PACRG: variants seen among roughly 807,000 people sequenced by gnomAD.
PACRG encodes parkin coregulated.
PACRG carries 29 observed loss-of-function variants against 29.7 expected under a neutral mutation model. That is an observed-to-expected ratio of 0.98 (90% CI 0.73 to 1.33). The LOEUF is 1.33. PACRG is among the 40% of genes most tolerant of loss of function. PACRG has a pLI of 0.00. For missense variants in PACRG, 279 were observed against 316.2 expected (o/e 0.88, Z 0.89); for synonymous variants, 116 against 118.7 (o/e 0.98, Z 0.15).
intron 4 of PACRG, among the ~76,000 whole-genome samples, chr6:163,129,775 C>T (rs78511272): frequency 6.6e-6 from 1 of 152,186 alleles, no homozygotes; most frequent in African/African-American, 2.4e-5. Context: ...ACCTCACACT[C>T]AGTTTCCTCC....
intron 1 of PACRG, among the ~76,000 whole-genome samples, chr6:162,770,792 A>C (rs1401804771): frequency 6.6e-6 from 1 of 152,200 alleles, no homozygotes; most frequent in Admixed American, 6.5e-5. Flanking sequence ...CTGGACTAAT[A>C]AACAACTTGG....
intron 2 of PACRG, among the ~76,000 whole-genome samples, chr6:162,977,030 A>G (rs1378107588): frequency 6.6e-6 from 1 of 152,106 alleles, no homozygotes; most frequent in African/African-American, 2.4e-5. Context: ...AGAAACTTGC[A>G]GGACTTGAGT....
intron 4 of PACRG, among the ~76,000 whole-genome samples, chr6:163,121,663 CTT>C (rs771976364): frequency 1.2e-3 from 154 of 126,134 alleles, no homozygotes; most frequent in African/African-American, 3.9e-3. Context: ...TCTCGGTAAT[CTT>C]TTTTTTTTTT....
intron 1 of PACRG, among the ~76,000 whole-genome samples, chr6:162,797,966 A>G (rs1229539320): frequency 2.6e-5 from 4 of 152,204 alleles, no homozygotes; most frequent in African/African-American, 9.6e-5. Flanking sequence ...ACCAAGTTTT[A>G]AAAATTCCTG....
intron 2 of PACRG, among the ~76,000 whole-genome samples, chr6:162,868,949 G>A (rs1004111491): frequency 6.6e-6 from 1 of 152,192 alleles, no homozygotes; most frequent in Non-Finnish European, 1.5e-5. Flanking sequence ...AAGCTCCTAA[G>A]TTAGACTGGT....
intron 1 of PACRG, among the ~76,000 whole-genome samples, chr6:162,799,285 ATCTT>A (rs1287736405): frequency 1.3e-5 from 2 of 152,218 alleles, no homozygotes; most frequent in Non-Finnish European, 2.9e-5. Context: ...ATGCATTACT[ATCTT>A]TATTTAGGGC....
At chr6:163,022,418 C>A (rs74342142) in intron 2 of PACRG, among the ~76,000 whole-genome samples, 1 of 152,092 alleles carries the variant, frequency 6.6e-6, no homozygotes, top group African/African-American at 2.4e-5. Context: ...TGAAGGCTGC[C>A]GAGATAAAAG....
At chr6:163,311,251 G>T (rs1372421748) in intron 4 of PACRG, among the ~76,000 whole-genome samples, 1 of 152,060 alleles carries the variant, frequency 6.6e-6, no homozygotes, top group African/African-American at 2.4e-5. Context: ...ACCAGGTCTG[G>T]CTTAAACCAT....
At chr6:162,898,764 C>T (rs776340646) in intron 2 of PACRG, among the ~76,000 whole-genome samples, 37 of 152,132 alleles carry the variant, frequency 2.4e-4, no homozygotes, top group Non-Finnish European at 1.3e-4. Context: ...TAGCTATTAT[C>T]GTTATGGTCT....
chr6:162,878,643 A>G (rs1338973822), intron 2 of PACRG, among the ~76,000 whole-genome samples: 1 of 152,224 alleles, frequency 6.6e-6, no homozygotes, highest in Non-Finnish European at 1.5e-5. Flanking sequence ...CCCATGTTAT[A>G]CATTAAGCTT....
At chr6:162,909,634 A>G (rs1255102376) in intron 2 of PACRG, among the ~76,000 whole-genome samples, 1 of 151,312 alleles carries the variant, frequency 6.6e-6, no homozygotes, top group Non-Finnish European at 1.5e-5. Flanking sequence ...ACCCCTTCCC[A>G]GACAGATTTA....
chr6:163,069,799 T>C lies in PACRG; in HGVS notation c.463+7478T>C, dbSNP rs144992913. Among the ~76,000 whole-genome samples the C allele has an allele frequency of 1.2e-3, 176 of 152,126 alleles. 3 individuals are homozygous for C. The East Asian group carries it at 0.017, about 14-fold the overall frequency. ...AAATCTAGAGAAAAATATTAATATC[T>C]AAGTACAAGATGGTTATAAAACACC... On this transcript the variant is annotated intron_variant, in intron 3 of 4. Coordinates refer to ENST00000366888, the MANE Select transcript of PACRG (RefSeq NM_001080379.2).
intron 1 of PACRG, among the ~76,000 whole-genome samples, chr6:162,783,497 A>G (rs992911439): frequency 4.6e-5 from 7 of 151,990 alleles, no homozygotes; most frequent in Non-Finnish European, 7.4e-5. Flanking sequence ...TTCATTTATC[A>G]TTATGTATTG....
chr6:162,748,414 A>G (rs374539627), intron 1 of PACRG, among the ~76,000 whole-genome samples: 97 of 151,892 alleles, frequency 6.4e-4, no homozygotes, highest in African/African-American at 2.2e-3. Context: ...AATCGCTTGA[A>G]CCCCAGGAGG....
At chr6:163,229,075 G>T (rs1781919649) in intron 4 of PACRG, among the ~76,000 whole-genome samples, 1 of 152,148 alleles carries the variant, frequency 6.6e-6, no homozygotes, top group Admixed American at 6.6e-5. Flanking sequence ...AAAAGTATTT[G>T]CAGGCCAGGC....
At chr6:162,727,854 C>A (rs1289554171), upstream of PACRG, 6 of 620,166 alleles carry the variant, frequency 9.7e-6, no homozygotes, top group Non-Finnish European at 1.7e-5. Context: ...GTAGTTCTAA[C>A]GCGTAGTTTC....
At chr6:163,162,801 C>T (rs777950641) in intron 4 of PACRG, among the ~76,000 whole-genome samples, 3 of 152,308 alleles carry the variant, frequency 2.0e-5, no homozygotes, top group East Asian at 1.9e-4. Flanking sequence ...GCTGGCCAGC[C>T]GTAAAGGCCC....
At chr6:163,071,432 T>G (rs545295993) in intron 3 of PACRG, among the ~76,000 whole-genome samples, 2 of 152,094 alleles carry the variant, frequency 1.3e-5, no homozygotes, top group Non-Finnish European at 2.9e-5. Context: ...AATATGCTCC[T>G]GAATGACCTG....
intron 1 of PACRG, among the ~76,000 whole-genome samples, chr6:162,735,574 T>C (rs1443292758): frequency 1.3e-5 from 2 of 152,178 alleles, no homozygotes; most frequent in African/African-American, 4.8e-5. Flanking sequence ...TTTGACTGTT[T>C]TTCTCTTGGC....
Sources: allele counts gnomAD v4.1 joint callset (sites outside exome capture counted in the v4.1 genomes callset), GRCh38; gene constraint gnomAD v4.1.1; transcripts MANE v1.5; gene names NCBI Gene and HGNC (gene_info 2026-07-23, HGNC 2026-07-21).